SRCAP: variants seen among roughly 807,000 people sequenced by gnomAD.
The protein encoded by SRCAP is Snf2 related CREBBP activator protein, also known as chromatin remodeling protein SRCAP.
SRCAP carries 46 observed loss-of-function variants against 263.1 expected under a neutral mutation model. That is an observed-to-expected ratio of 0.17 (90% CI 0.14 to 0.22). The LOEUF (loss-of-function observed/expected upper bound fraction) is 0.22, where lower values mean the gene tolerates loss of function less well. Ranked by LOEUF, SRCAP falls within the 10% of genes least tolerant of loss-of-function variation. The pLI is 1.00. For synonymous variants in SRCAP, 1,813 were observed against 1,662.1 expected, an observed-to-expected ratio of 1.09 and a Z score of -2.21; for missense variants, 3,695 against 4,181.9, an observed-to-expected ratio of 0.88 and a Z score of 3.21.
At position 30,700,609 on chromosome 16, in the gene SRCAP, A is replaced by G. The variant is rs1216247540; in HGVS notation, c.-209-7A>G. On this transcript the variant is annotated splice_region_variant and splice_polypyrimidine_tract_variant and intron_variant, in intron 2 of 33. Transcript: ENST00000262518. ...TGTCTTTTTTTTTTTTTTTAACCCTACTTTAGGTGCTCCAGAGGCTGGTGG... is the reference window on the plus strand; with the variant it reads ...TGTCTTTTTTTTTTTTTTTAACCCTGCTTTAGGTGCTCCAGAGGCTGGTGG... The G allele has an allele frequency of 2.6e-6, 1 of 390,222 alleles. No homozygotes were observed. Among genetic ancestry groups the G allele is most frequent in the East Asian group, 3.7e-5 (1 of 26,824 alleles). The allele number at this position is 390,222 out of a possible 1,614,324, so 24.2% of individuals were successfully genotyped here. A position where few individuals can be genotyped will look rare whatever the true frequency, so the allele number is the denominator to read the frequency against.
At position 30,716,170 on chromosome 16, in the gene SRCAP, C is replaced by T; in HGVS notation, c.2598C>T (p.Arg866=). Residue 866 remains arginine, a synonymous_variant, in exon 17 of 34, where the codon CGC becomes CGT. Coordinates refer to ENST00000262518, the MANE Select transcript of SRCAP (RefSeq NM_006662.3). ...VIRCRLSKRQ[R]CLYDDFMAQT... is the part of the protein sequence containing the mutation. ...GCTGCAGGCTCTCCAAGCGTCAACG[C>T]TGTCTCTATGATGACTTCATGGCAC... 6.2e-7 allele frequency: 1 copy of T among 1,614,232 alleles called. No individual in the cohort carries two copies. The highest frequency in any genetic ancestry group is 8.5e-7 in the Non-Finnish European group (1 of 1,180,044).
At position 30,737,653 on chromosome 16, in the gene SRCAP, C is replaced by G; in HGVS notation, c.7613C>G (p.Ala2538Gly). The G allele has an allele frequency of 5.0e-6, 8 of 1,614,080 alleles. No individual in the cohort carries two copies. Among genetic ancestry groups the G allele is most frequent in the Non-Finnish European group, 6.8e-6 (8 of 1,180,014 alleles). ...LLGPPSVPIS[A>G]SVTNLPLGLR... Reference sequence around the variant, plus strand: ...GGTCCACCTTCTGTGCCCATCTCTGCCTCAGTCACTAATCTCCCCTTGGGC... The same window carrying G: ...GGTCCACCTTCTGTGCCCATCTCTGGCTCAGTCACTAATCTCCCCTTGGGC... Residue 2538 changes from alanine to glycine, a missense_variant, in exon 34 of 34, where the codon GCC becomes GGC. Ala to Gly is a moderately conservative substitution (Grantham distance 60, BLOSUM62 0). Transcript: ENST00000262518.
At chr16:30,713,089 G>A in intron 14 of SRCAP, 119 bp from the exon 15 acceptor site, 1 of 1,177,690 alleles carries the variant, frequency 8.5e-7, no homozygotes, top group Non-Finnish European at 1.2e-6. Flanking sequence ...CCATTCTTTT[G>A]CTGGGACTTT....
chr16:30,726,750 G>A (rs951017690), intron 25 of SRCAP, among the ~76,000 whole-genome samples: 5 of 152,100 alleles, frequency 3.3e-5, no homozygotes, highest in Non-Finnish European at 5.9e-5. Flanking sequence ...GCCCAGGCTG[G>A]AGTAAAGTGG....
At chr16:30,729,697 T>A (rs1567250574) in intron 27 of SRCAP, 125 bp downstream of exon 27, 1 of 1,136,156 alleles carries the variant, frequency 8.8e-7, no homozygotes, top group Non-Finnish European at 1.3e-6. Context: ...GATGGTTTTT[T>A]AGGTTATGCT....
Position 30,739,152 on chromosome 16 carries a change from T to C in SRCAP, c.9112T>C (p.Leu3038=), listed in dbSNP as rs146017505. 752 of 1,614,074 alleles carry C rather than the reference T, an allele frequency of 4.7e-4. 4 individuals carry two copies. In the African/African-American group the frequency reaches 7.8e-3, roughly 17 times the overall value. Residue 3038 remains leucine, a synonymous_variant, in exon 34 of 34, where the codon TTG becomes CTG. Transcript: ENST00000262518. ...DSTSVLESCG[L]GRRRQPQGQG... The stretch of plus-strand genomic sequence containing the variant: ...CACTTCTGTTCTCGAGAGCTGTGGA[T>C]TGGGGAGGCGACGGCAACCCCAGGG...
At chr16:30,708,698 A>G (rs918873997) in intron 6 of SRCAP, among the ~76,000 whole-genome samples, 1 of 152,032 alleles carries the variant, frequency 6.6e-6, no homozygotes, top group African/African-American at 2.4e-5. Flanking sequence ...CTGGCCTAAA[A>G]ATATTTTTTT....
intron 16 of SRCAP, among the ~76,000 whole-genome samples, chr16:30,715,731 AGGC>A (rs1164466083): frequency 6.6e-6 from 1 of 152,178 alleles, no homozygotes; most frequent in Admixed American, 6.5e-5. Context: ...TCTCCTGTCA[AGGC>A]CACAGTTTTT....
chr16:30,717,167 T>G (rs914552744), intron 18 of SRCAP, among the ~76,000 whole-genome samples: 6 of 152,172 alleles, frequency 3.9e-5, no homozygotes, highest in Non-Finnish European at 8.8e-5. Flanking sequence ...TGGTATTTCA[T>G]TGTGGTTTTG....
chr16:30,720,662 A>G (rs762963199), intron 19 of SRCAP, 51 bp from the exon 20 acceptor site: 11 of 1,502,650 alleles, frequency 7.3e-6, no homozygotes, highest in Admixed American at 2.3e-5. Flanking sequence ...TGATATTGCT[A>G]CCCCTTATTC....
At chr16:30,702,622 T>G in intron 3 of SRCAP, among the ~76,000 whole-genome samples, 1 of 116,896 alleles carries the variant, frequency 8.6e-6, no homozygotes, top group Admixed American at 1.0e-4. Flanking sequence ...CCTCCCTCCT[T>G]CCTTCCTTCC....
intron 23 of SRCAP, 33 bp downstream of exon 23, chr16:30,722,781 C>T: frequency 1.3e-6 from 2 of 1,589,366 alleles, no homozygotes; most frequent in Non-Finnish European, 1.7e-6. Flanking sequence ...TTAGCCCTTG[C>T]TGGCCTTGGT....
In SRCAP at chr16:30,711,666, G is replaced by A. The variant is rs370167338; in HGVS notation, c.1414G>A (p.Ala472Thr). 19 of 1,614,002 alleles carry A rather than the reference G, an allele frequency of 1.2e-5. No individual in the cohort carries two copies. Among genetic ancestry groups the A allele is most frequent in the Non-Finnish European group, 1.5e-5 (18 of 1,180,036 alleles). The change falls in exon 11 of 34, where the codon GCT (alanine) becomes ACT (threonine). Residue 472 changes from alanine (A) to threonine (T), a missense_variant. Physicochemically the swap from Ala to Thr is moderately conservative, Grantham distance 58. Transcript: ENST00000262518. The stretch of plus-strand genomic sequence containing the variant: ...AGATGAGGATGAAGATGAGGTTGAT[G>A]CTAATAGCTCTGACTGTGAACCAGA... ...SEDEDEDEVDANSSDCEPEGP... is the reference protein window; with the variant it reads ...SEDEDEDEVDTNSSDCEPEGP...
Position 30,738,626 on chromosome 16 carries a change from G to A in SRCAP, c.8586G>A (p.Arg2862=). Residue 2862 remains arginine, a synonymous_variant, in exon 34 of 34, where the codon AGG becomes AGA. Coordinates refer to ENST00000262518, the MANE Select transcript of SRCAP (RefSeq NM_006662.3). ...TPPAVKRRRG[R]PPKKNRSPAD... ...CTGCTGTGAAACGTCGGAGGGGGAGGCCCCCCAAGAAGAACAGGTCTCCAG... is the reference window on the plus strand; with the variant it reads ...CTGCTGTGAAACGTCGGAGGGGGAGACCCCCCAAGAAGAACAGGTCTCCAG... The A allele has an allele frequency of 6.2e-7, 1 of 1,605,794 alleles. No individual in the cohort carries two copies. The highest frequency in any genetic ancestry group is 1.1e-5 in the South Asian group (1 of 90,260).
At chr16:30,712,549 A>G in intron 13 of SRCAP, 110 bp downstream of exon 13, 1 of 1,519,232 alleles carries the variant, frequency 6.6e-7, no homozygotes, top group East Asian at 2.3e-5. Flanking sequence ...CCGGTCATTA[A>G]CTGTATAGAG....
At chr16:30,718,845 C>T (rs2052980687) in intron 18 of SRCAP, among the ~76,000 whole-genome samples, 1 of 151,182 alleles carries the variant, frequency 6.6e-6, no homozygotes, top group African/African-American at 2.4e-5. Context: ...GCATCATGTC[C>T]AATAAATCAT....
In SRCAP at chr16:30,709,742, G is replaced by A. The variant is rs1355321519; in HGVS notation, c.856+7G>A. 3 of 1,614,142 alleles carry A rather than the reference G, an allele frequency of 1.9e-6. No individual in the cohort carries two copies. The highest frequency in any genetic ancestry group is 1.1e-5 in the South Asian group (1 of 91,072). ...TCTCGCCTGGATGATGAAGGTGTGT[G>A]TTCTCTTTGGTCCTGTTACTCTTCC... is the stretch of plus-strand genomic sequence containing the variant. On this transcript the variant is annotated splice_region_variant and intron_variant, in intron 7 of 33. Coordinates refer to ENST00000262518, the MANE Select transcript of SRCAP (RefSeq NM_006662.3).
chr16:30,735,631 A>T (rs566900019), intron 31 of SRCAP, among the ~76,000 whole-genome samples: 71 of 125,330 alleles, frequency 5.7e-4, no homozygotes, highest in African/African-American at 2.3e-3. Flanking sequence ...CCCAGGCTAG[A>T]GTGCAGTGGC....
At chr16:30,721,791 C>T (rs1469310945) in intron 21 of SRCAP, among the ~76,000 whole-genome samples, 1 of 152,176 alleles carries the variant, frequency 6.6e-6, no homozygotes, top group African/African-American at 2.4e-5. Flanking sequence ...GGAGATGACA[C>T]ATAGATGAAT....
Sources: allele counts gnomAD v4.1 joint callset (sites outside exome capture counted in the v4.1 genomes callset), GRCh38; gene constraint gnomAD v4.1.1; transcripts MANE v1.5; gene names NCBI Gene and HGNC (gene_info 2026-07-23, HGNC 2026-07-21).